The following AMZ2 variants were observed in gnomAD, a reference collection of about 807,000 sequenced individuals.
The protein encoded by AMZ2 is archaelysin family metallopeptidase 2, also known as archaemetzincin-2.
A neutral mutation model predicts 36.7 loss-of-function variants in AMZ2; 26 were observed. The observed-to-expected ratio is 0.71, with a 90% CI of 0.52 to 0.98. The LOEUF is 0.98. Among genes scored for constraint, AMZ2 ranks in the 50% least tolerant of loss-of-function variants. The pLI is 0.00. For missense variants in AMZ2, 394 were observed against 430.5 expected (o/e 0.92, Z 0.75); for synonymous variants, 144 against 149.1 (o/e 0.97, Z 0.25).
chr17:68,248,849 C>G (rs1432971341), intron 1 of AMZ2, 144 bp downstream of exon 1: 18 of 822,530 alleles, frequency 2.2e-5, no homozygotes, highest in Non-Finnish European at 2.1e-5. Flanking sequence ...GAATTTTAGT[C>G]AGCCTCTTCA....
At chr17:68,227,970 G>C (rs2073558296) in intron 1 of AMZ2, among the ~76,000 whole-genome samples, 1 of 152,136 alleles carries the variant, frequency 6.6e-6, no homozygotes, top group South Asian at 2.1e-4. Context: ...ATCAGGGTGT[G>C]GATATATTTT....
chr17:68,242,428 T>G (rs12601802), intron 1 of AMZ2, among the ~76,000 whole-genome samples: 1 of 152,080 alleles, frequency 6.6e-6, no homozygotes, highest in South Asian at 2.1e-4. Flanking sequence ...TCATAGATTA[T>G]TATTTATCAG....
chr17:68,211,878 GTA>G (rs1251771724), intron 1 of AMZ2, among the ~76,000 whole-genome samples: 1 of 135,042 alleles, frequency 7.4e-6, no homozygotes, highest in Non-Finnish European at 1.6e-5. Context: ...GTGTGTGTAT[GTA>G]TATATATATG....
chr17:68,208,061 C>T (rs1420232924), intron 1 of AMZ2, among the ~76,000 whole-genome samples: 2 of 152,178 alleles, frequency 1.3e-5, no homozygotes, highest in East Asian at 3.9e-4. Flanking sequence ...CGGGGCAGCA[C>T]TTGGGACCTG....
At chr17:68,211,181 C>G (rs1208256770) in intron 1 of AMZ2, among the ~76,000 whole-genome samples, 1 of 152,008 alleles carries the variant, frequency 6.6e-6, no homozygotes, top group African/African-American at 2.4e-5. Context: ...GCCAGTGATT[C>G]TGGGGCTTCT....
chr17:68,224,820 CCTCT>C (rs1238417399), intron 1 of AMZ2, among the ~76,000 whole-genome samples: 2 of 151,098 alleles, frequency 1.3e-5, no homozygotes, highest in Non-Finnish European at 1.5e-5. Flanking sequence ...TGCCTTCTTT[CCTCT>C]CTATCTATCA....
At chr17:68,229,972 G>A (rs868917788) in intron 1 of AMZ2, among the ~76,000 whole-genome samples, 1 of 152,204 alleles carries the variant, frequency 6.6e-6, no homozygotes. Context: ...GGGCTCCCAG[G>A]ACTACAAATG....
intron 1 of AMZ2, among the ~76,000 whole-genome samples, chr17:68,226,241 A>G (rs142209304): frequency 1.6e-3 from 251 of 152,266 alleles, no homozygotes; most frequent in African/African-American, 5.7e-3. Flanking sequence ...ATGCCAAGCA[A>G]AAGGACTGGG....
At chr17:68,255,372 C>G (rs1161764475) in intron 5 of AMZ2, among the ~76,000 whole-genome samples, 1 of 152,126 alleles carries the variant, frequency 6.6e-6, no homozygotes, top group Non-Finnish European at 1.5e-5. Flanking sequence ...TTTTCACAAT[C>G]AGGGAGGGAG....
intron 5 of AMZ2, 99 bp from the exon 6 acceptor site, chr17:68,255,601 G>C: frequency 7.9e-7 from 1 of 1,269,038 alleles, no homozygotes; most frequent in South Asian, 1.4e-5. Flanking sequence ...AATGGTAAGG[G>C]AGTTGATTCC....
upstream of AMZ2, among the ~76,000 whole-genome samples, chr17:68,242,988 G>C (rs1453438030): frequency 6.0e-5 from 9 of 150,154 alleles, no homozygotes; most frequent in Admixed American, 4.0e-4. Context: ...AGGCTGCAGT[G>C]AGCCGTGATC....
intron 1 of AMZ2, among the ~76,000 whole-genome samples, chr17:68,237,705 G>A (rs1464717310): frequency 1.3e-5 from 2 of 152,010 alleles, no homozygotes; most frequent in Non-Finnish European, 2.9e-5. Flanking sequence ...TCCAGCTTTT[G>A]GGAAAAAAGC....
At chr17:68,247,777 G>A (rs1311923338), upstream of AMZ2, 4 of 985,450 alleles carry the variant, frequency 4.1e-6, no homozygotes, top group South Asian at 4.7e-5. Context: ...CTCGAGAACC[G>A]GGCCGCGGAG....
At chr17:68,240,290 T>C (rs556810317) in intron 1 of AMZ2, among the ~76,000 whole-genome samples, 6 of 152,278 alleles carry the variant, frequency 3.9e-5, no homozygotes, top group African/African-American at 7.2e-5. Flanking sequence ...TACTATCACA[T>C]TGGGGGTAAG....
intron 1 of AMZ2, among the ~76,000 whole-genome samples, chr17:68,227,826 ACC>A (rs1423965688): frequency 1.3e-5 from 2 of 152,004 alleles, no homozygotes; most frequent in African/African-American, 4.8e-5. Flanking sequence ...ACATAGTAAG[ACC>A]CCGTCTCTAC....
intron 1 of AMZ2, chr17:68,206,772 G>A (rs1413327925): frequency 1.3e-5 from 2 of 152,218 alleles, no homozygotes; most frequent in African/African-American, 4.8e-5. Flanking sequence ...CACATCCCTA[G>A]CTGTGGTTTT....
At chr17:68,219,182 G>A (rs547565964) in intron 1 of AMZ2, among the ~76,000 whole-genome samples, 1 of 152,286 alleles carries the variant, frequency 6.6e-6, no homozygotes, top group South Asian at 2.1e-4. Flanking sequence ...GGCCAGGCTG[G>A]TCTTGAACGC....
chr17:68,255,910 A>G, intron 6 of AMZ2, 34 bp downstream of exon 6: 1 of 1,602,834 alleles, frequency 6.2e-7, no homozygotes, highest in Non-Finnish European at 8.5e-7. Context: ...AAAGAGGGGG[A>G]AGTGGTTATC....
intron 1 of AMZ2, among the ~76,000 whole-genome samples, chr17:68,223,315 G>T (rs1255723430): frequency 6.6e-6 from 1 of 151,998 alleles, no homozygotes; most frequent in Non-Finnish European, 1.5e-5. Flanking sequence ...AGTTATGCTG[G>T]ATCCATGACA....
Sources: gnomAD v4.1 joint callset for allele counts (sites outside exome capture counted in the v4.1 genomes callset) on GRCh38, gnomAD v4.1.1 for gene constraint, MANE v1.5 for transcripts, NCBI Gene and HGNC (gene_info 2026-07-23, HGNC 2026-07-21) for gene names.